Variants in RSU1 observed in about 807,000 individuals in gnomAD.
RSU1 encodes the protein rsu-1.
Under a neutral mutation model 31.1 loss-of-function variants are expected in RSU1, and 26 were observed. The ratio of observed to expected loss-of-function variants is 0.84; its 90% confidence interval spans 0.61 to 1.16. The LOEUF is 1.16. Among genes scored for constraint, RSU1 ranks in the 50% most tolerant of loss-of-function variants. The pLI is 0.00. For synonymous variants in RSU1, 164 were observed against 136.3 expected (o/e 1.20, Z -1.41); for missense variants, 320 against 339.1 (o/e 0.94, Z 0.44).
intron 7 of RSU1, among the ~76,000 whole-genome samples, chr10:16,736,230 G>GA (rs1379686838): frequency 2.0e-5 from 3 of 151,832 alleles, no homozygotes; most frequent in Admixed American, 6.6e-5. Flanking sequence ...GGCTGGGAAA[G>GA]AAAAAACAAA....
At chr10:16,613,747 G>A (rs921982624) in intron 8 of RSU1, among the ~76,000 whole-genome samples, 1 of 151,434 alleles carries the variant, frequency 6.6e-6, no homozygotes, top group African/African-American at 2.4e-5. Context: ...CTCCTGATAT[G>A]CATCAGAGAA....
At chr10:16,672,390 A>G (rs1036082952) in intron 8 of RSU1, among the ~76,000 whole-genome samples, 2 of 152,206 alleles carry the variant, frequency 1.3e-5, no homozygotes, top group African/African-American at 2.4e-5. Context: ...ACAATAGCAC[A>G]TGTTCAACAA....
chr10:16,683,888 T>C (rs11254140), intron 8 of RSU1, among the ~76,000 whole-genome samples: 51,247 of 152,150 alleles, frequency 0.34, 8,973 homozygotes, highest in Middle Eastern at 0.41. Flanking sequence ...CTGGGTCTTC[T>C]AGGCTTTAGG....
In RSU1 at chr10:16,695,167, G is replaced by GGGGGGCCC; in HGVS notation, c.599-13_599-12insGGGCCCCC. ...TAAATCCAAGTTTCCTGGGGGGGGGGAAAAAAAAAGTGAAGGTCACTTCAT... is the reference window on the plus strand; with the variant it reads ...TAAATCCAAGTTTCCTGGGGGGGGGGGGGGGCCCAAAAAAAAAGTGAAGGTCACTTCAT... On this transcript the variant is annotated splice_polypyrimidine_tract_variant and intron_variant, in intron 7 of 8. Transcript: ENST00000345264. The GGGGGGCCC allele has an allele frequency of 7.6e-7, 1 of 1,318,160 alleles. No individual in the cohort carries two copies. The highest frequency in any genetic ancestry group is 1.0e-6 in the Non-Finnish European group (1 of 970,986). The allele number at this position is 1,318,160 out of a possible 1,614,324, so 81.7% of individuals were successfully genotyped here.
intron 7 of RSU1, among the ~76,000 whole-genome samples, chr10:16,747,073 C>T (rs1186764610): frequency 6.6e-6 from 1 of 152,136 alleles, no homozygotes; most frequent in Non-Finnish European, 1.5e-5. Flanking sequence ...CACACAGCTC[C>T]AGCAATGGGG....
intron 5 of RSU1, 127 bp from the exon 6 acceptor site, chr10:16,753,127 G>A (rs1837014078): frequency 1.7e-5 from 11 of 641,088 alleles, no homozygotes; most frequent in Non-Finnish European, 2.8e-5. Flanking sequence ...ACATACCTAG[G>A]GCTCCCAATA....
intron 7 of RSU1, among the ~76,000 whole-genome samples, chr10:16,738,594 A>T (rs1038205443): frequency 3.3e-5 from 5 of 152,244 alleles, no homozygotes; most frequent in African/African-American, 9.6e-5. Flanking sequence ...GTGAAACTAC[A>T]ATCAGCTATT....
At chr10:16,733,343 A>T (rs1390595912) in intron 7 of RSU1, among the ~76,000 whole-genome samples, 1 of 150,090 alleles carries the variant, frequency 6.7e-6, no homozygotes, top group Non-Finnish European at 1.5e-5. Flanking sequence ...TAAAAAAAAA[A>T]AAAAAAAAAA....
chr10:16,650,802 T>C (rs1009052772), intron 8 of RSU1, among the ~76,000 whole-genome samples: 4 of 152,030 alleles, frequency 2.6e-5, no homozygotes, highest in Non-Finnish European at 5.9e-5. Context: ...AGGATGGTCT[T>C]GATCTCCTGA....
intron 8 of RSU1, among the ~76,000 whole-genome samples, chr10:16,604,635 CCT>C (rs1003840248): frequency 1.1e-4 from 17 of 152,136 alleles, no homozygotes; most frequent in African/African-American, 3.9e-4. Flanking sequence ...TCAAGGTCCC[CCT>C]GAGACAGGCG....
chr10:16,701,532 TG>T (rs1835792714), intron 7 of RSU1, among the ~76,000 whole-genome samples: 1 of 152,204 alleles, frequency 6.6e-6, no homozygotes, highest in Non-Finnish European at 1.5e-5. Flanking sequence ...GTACATTTAA[TG>T]CATGCATTGC....
chr10:16,657,479 G>A (rs1179328477), intron 8 of RSU1, among the ~76,000 whole-genome samples: 1 of 147,710 alleles, frequency 6.8e-6, no homozygotes, highest in Admixed American at 6.7e-5. Flanking sequence ...TAGACTTTTG[G>A]GATTTTTTTT....
chr10:16,724,462 C>T (rs7085659), intron 7 of RSU1, among the ~76,000 whole-genome samples: 115,776 of 152,170 alleles, frequency 0.76, 44,940 homozygotes, highest in African/African-American at 0.91. Context: ...CTCCTTGGAA[C>T]GCAAGCATGA....
intron 8 of RSU1, among the ~76,000 whole-genome samples, chr10:16,678,220 C>T (rs1361299592): frequency 6.6e-6 from 1 of 152,186 alleles, no homozygotes; most frequent in Non-Finnish European, 1.5e-5. Context: ...CTTTATTCTT[C>T]TCTTTTGTTG....
At chr10:16,665,428 C>T (rs955050598) in intron 8 of RSU1, among the ~76,000 whole-genome samples, 1 of 152,162 alleles carries the variant, frequency 6.6e-6, no homozygotes, top group Admixed American at 6.5e-5. Flanking sequence ...GAACCCACCA[C>T]CCAAATACAC....
At chr10:16,679,186 G>A (rs1835283877) in intron 8 of RSU1, among the ~76,000 whole-genome samples, 1 of 152,070 alleles carries the variant, frequency 6.6e-6, no homozygotes, top group Non-Finnish European at 1.5e-5. Context: ...CCCCAGAATG[G>A]TCTTACTTTT....
At chr10:16,619,969 A>G (rs941933520) in intron 8 of RSU1, among the ~76,000 whole-genome samples, 1 of 152,234 alleles carries the variant, frequency 6.6e-6, no homozygotes, top group Non-Finnish European at 1.5e-5. Flanking sequence ...CAACAGGTTT[A>G]TACATTTATA....
chr10:16,725,351 T>C (rs1262516773), intron 7 of RSU1, among the ~76,000 whole-genome samples: 1 of 152,120 alleles, frequency 6.6e-6, no homozygotes, highest in Non-Finnish European at 1.5e-5. Context: ...AAGATTCCAG[T>C]AAAAGAAAAG....
chr10:16,667,679 C>T (rs1278725154), intron 8 of RSU1, among the ~76,000 whole-genome samples: 5 of 151,994 alleles, frequency 3.3e-5, no homozygotes, highest in Admixed American at 6.6e-5. Flanking sequence ...GTAGAGACAG[C>T]GTTTTGCCAT....
Sources: allele counts gnomAD v4.1 joint callset (sites outside exome capture counted in the v4.1 genomes callset), GRCh38; gene constraint gnomAD v4.1.1; transcripts MANE v1.5; gene names NCBI Gene and HGNC (gene_info 2026-07-23, HGNC 2026-07-21).